The following TRPS1 variants were observed in gnomAD, a reference collection of about 807,000 sequenced individuals.
TRPS1 encodes transcriptional repressor GATA binding 1.
In TRPS1, 6 loss-of-function variants were observed where a neutral mutation model predicts 101.2. The ratio of observed to expected loss-of-function variants is 0.06; its 90% CI spans 0.03 to 0.12. The LOEUF (loss-of-function observed/expected upper bound fraction) is 0.12. Ranked by LOEUF, TRPS1 falls within the 10% of genes least tolerant of loss-of-function variation. The pLI, the probability that TRPS1 is intolerant of heterozygous loss-of-function variation, is 1.00. For synonymous variants in TRPS1, 578 were observed against 589.8 expected (o/e 0.98, Z 0.29); for missense variants, 1,363 against 1,567.0 (o/e 0.87, Z 2.20).
At chr8:115,495,270 C>T (rs1174882324) in intron 5 of TRPS1, among the ~76,000 whole-genome samples, 1 of 152,062 alleles carries the variant, frequency 6.6e-6, no homozygotes, top group Non-Finnish European at 1.5e-5. Context: ...ACTATGACAA[C>T]ATGATGCAAC....
intron 1 of TRPS1, among the ~76,000 whole-genome samples, chr8:115,625,787 ACT>A (rs1445031407): frequency 6.6e-6 from 1 of 151,746 alleles, no homozygotes; most frequent in Admixed American, 6.6e-5. Context: ...TCTGAACAAG[ACT>A]CTAAAAAATC....
chr8:115,446,762 A>T (rs2129908463), intron 5 of TRPS1, among the ~76,000 whole-genome samples: 1 of 152,302 alleles, frequency 6.6e-6, no homozygotes, highest in East Asian at 1.9e-4. Context: ...ACAAAATCTG[A>T]CAGACTGACT....
chr8:115,475,469 G>A (rs991495778), intron 5 of TRPS1, among the ~76,000 whole-genome samples: 23 of 151,622 alleles, frequency 1.5e-4, no homozygotes, highest in African/African-American at 5.3e-4. Flanking sequence ...ACAGAAAAAC[G>A]GAAGCCATTT....
chr8:115,619,641 C>A lies in TRPS1; in HGVS notation c.457G>T (p.Ala153Ser). 1 of 1,614,194 alleles carries A rather than the reference C, an allele frequency of 6.2e-7. No homozygotes were observed. The change falls in exon 3 of 7, where the codon GCC (alanine) becomes TCC (serine). Residue 153 changes from alanine (A) to serine (S), a missense_variant. Ala to Ser is a moderately conservative substitution (Grantham distance 99, BLOSUM62 1). Transcript: ENST00000395715. The part of the protein sequence containing the change: ...RAEADDPQDM[A>S]CTPSGDSLET... Reference sequence around the variant, plus strand: ...AGTGAGTCCCCTGAGGGGGTGCAGGCCATATCTTGAGGGTCATCTGCCTCT... The same window carrying A: ...AGTGAGTCCCCTGAGGGGGTGCAGGACATATCTTGAGGGTCATCTGCCTCT...
chr8:115,411,795 T>C lies in TRPS1; in HGVS notation c.*2228A>G, dbSNP rs1237048677. ...TTTCTGTCTCTTGCTTTCTCTTTTC[T>C]CTTTTTTTAATATGCAAACAAAAAA... On this transcript the variant is annotated 3_prime_UTR_variant, in exon 7 of 7. Coordinates refer to ENST00000395715, the MANE Select transcript of TRPS1 (RefSeq NM_014112.5). 6.6e-6 allele frequency: 1 copy of C among 152,162 alleles called. No individual in the cohort carries two copies. The highest frequency in any genetic ancestry group is 2.4e-5 in the African/African-American group (1 of 41,420). 9.4% of individuals were successfully genotyped at this position (152,162 alleles called of 1,614,324 possible).
intron 5 of TRPS1, among the ~76,000 whole-genome samples, chr8:115,547,249 G>C (rs1393100244): frequency 1.3e-5 from 2 of 151,992 alleles, no homozygotes; most frequent in African/African-American, 4.8e-5. Context: ...AATCAGGAAA[G>C]GGAACAAAGA....
At chr8:115,550,289 A>G (rs2130336762) in intron 5 of TRPS1, among the ~76,000 whole-genome samples, 1 of 152,320 alleles carries the variant, frequency 6.6e-6, no homozygotes, top group African/African-American at 2.4e-5. Flanking sequence ...TAGTTCTGTA[A>G]CAATAACAAA....
intron 5 of TRPS1, among the ~76,000 whole-genome samples, chr8:115,449,859 A>G (rs928130753): frequency 2.0e-5 from 3 of 152,222 alleles, no homozygotes; most frequent in Non-Finnish European, 2.9e-5. Flanking sequence ...AATGGTCAGA[A>G]GCATTCCCAA....
intron 5 of TRPS1, among the ~76,000 whole-genome samples, chr8:115,426,756 T>C (rs1813196696): frequency 6.6e-6 from 1 of 152,162 alleles, no homozygotes; most frequent in Non-Finnish European, 1.5e-5. Flanking sequence ...ACAAAATGTA[T>C]CCAAAGATTT....
chr8:115,538,978 A>C (rs993929273), intron 5 of TRPS1, among the ~76,000 whole-genome samples: 1 of 152,206 alleles, frequency 6.6e-6, no homozygotes, highest in African/African-American at 2.4e-5. Context: ...AAAGAAAACC[A>C]TAAGGAAAAG....
chr8:115,460,183 T>C (rs888428893), intron 5 of TRPS1, among the ~76,000 whole-genome samples: 28 of 152,138 alleles, frequency 1.8e-4, no homozygotes. Context: ...TATTAATAAA[T>C]GAGTTTCAAA....
intron 5 of TRPS1, among the ~76,000 whole-genome samples, chr8:115,431,873 T>C (rs1813326931): frequency 6.6e-6 from 1 of 151,962 alleles, no homozygotes; most frequent in African/African-American, 2.4e-5. Flanking sequence ...TGCACATTTA[T>C]ATCCATAAAT....
At chr8:115,456,844 C>T (rs1250126305) in intron 5 of TRPS1, among the ~76,000 whole-genome samples, 1 of 151,748 alleles carries the variant, frequency 6.6e-6, no homozygotes, top group Admixed American at 6.6e-5. Context: ...AAGAAATTTG[C>T]TAAAGAGAAT....
chr8:115,515,161 C>A (rs998643411), intron 5 of TRPS1: 1 of 682,104 alleles, frequency 1.5e-6, no homozygotes, highest in Non-Finnish European at 2.7e-6. Context: ...TATTCAATGT[C>A]CAAATTCTTT....
chr8:115,455,755 TTTTC>T (rs35585069), intron 5 of TRPS1, among the ~76,000 whole-genome samples: 374 of 139,304 alleles, frequency 2.7e-3, no homozygotes, highest in African/African-American at 8.4e-3. Flanking sequence ...GCTTTTTTCT[TTTTC>T]TTTCTTTCTT....
chr8:115,503,765 G>C (rs1329485252), intron 5 of TRPS1, among the ~76,000 whole-genome samples: 1 of 152,160 alleles, frequency 6.6e-6, no homozygotes, highest in Non-Finnish European at 1.5e-5. Flanking sequence ...TCATCATCTT[G>C]ATTGATCCTG....
At chr8:115,547,933 T>A (rs183325211) in intron 5 of TRPS1, among the ~76,000 whole-genome samples, 2 of 152,208 alleles carry the variant, frequency 1.3e-5, no homozygotes, top group East Asian at 3.9e-4. Context: ...CTTCTACGCA[T>A]AATAATCCTA....
intron 1 of TRPS1, among the ~76,000 whole-genome samples, chr8:115,626,679 A>G (rs1818515997): frequency 6.6e-6 from 1 of 151,816 alleles, no homozygotes; most frequent in African/African-American, 2.4e-5. Context: ...CATCAAACTA[A>G]TCCAAAATGA....
intron 5 of TRPS1, among the ~76,000 whole-genome samples, chr8:115,445,205 G>A (rs6998685): frequency 0.035 from 5,341 of 152,154 alleles, 283 homozygotes; most frequent in African/African-American, 0.12. Flanking sequence ...TCAGAAACCT[G>A]TGTAAACTTC....
Sources: allele counts gnomAD v4.1 joint callset (sites outside exome capture counted in the v4.1 genomes callset), GRCh38; gene constraint gnomAD v4.1.1; transcripts MANE v1.5; gene names NCBI Gene and HGNC (gene_info 2026-07-23, HGNC 2026-07-21).